VEZT: variants seen among roughly 807,000 people sequenced by gnomAD.
VEZT encodes the protein vezatin.
In VEZT, 39 loss-of-function variants were observed where a neutral mutation model predicts 79.9. The ratio of observed to expected loss-of-function variants is 0.49; its 90% CI spans 0.38 to 0.64. The LOEUF (loss-of-function observed/expected upper bound fraction) is 0.64. VEZT is among the 30% of genes least tolerant of loss of function. The probability of loss-of-function intolerance (pLI) is 0.00; values close to 1 mark genes in which losing one functional copy is unlikely to be tolerated. For synonymous variants in VEZT, 325 were observed against 327.6 expected (o/e 0.99, Z 0.09); for missense variants, 837 against 893.1 (o/e 0.94, Z 0.80).
intron 7 of VEZT, among the ~76,000 whole-genome samples, chr12:95,278,844 G>A (rs557980886): frequency 6.6e-6 from 1 of 152,338 alleles, no homozygotes; most frequent in South Asian, 2.1e-4. Context: ...CAAGGCGGGC[G>A]GATCAACTGA....
chr12:95,283,715 A>G (rs2069783093), intron 8 of VEZT, among the ~76,000 whole-genome samples: 1 of 152,228 alleles, frequency 6.6e-6, no homozygotes, highest in Admixed American at 6.5e-5. Flanking sequence ...TGGGCTTGAT[A>G]TAAGGCTTGA....
intron 1 of VEZT, among the ~76,000 whole-genome samples, chr12:95,221,426 A>G (rs1281599942): frequency 2.6e-5 from 4 of 152,084 alleles, no homozygotes. Context: ...CTAGCTGGGC[A>G]TGGTGGCATG....
intron 1 of VEZT, among the ~76,000 whole-genome samples, chr12:95,234,971 G>C (rs1187534280): frequency 6.6e-6 from 1 of 151,898 alleles, no homozygotes; most frequent in Non-Finnish European, 1.5e-5. Flanking sequence ...CACAGGGTTG[G>C]GGGTAAGGTC....
intron 4 of VEZT, among the ~76,000 whole-genome samples, chr12:95,266,065 GTTTCT>G (rs2065472570): frequency 6.6e-6 from 1 of 152,090 alleles, no homozygotes; most frequent in Admixed American, 6.5e-5. Flanking sequence ...GAGAATTTGA[GTTTCT>G]TTTGTGAAAT....
intron 7 of VEZT, among the ~76,000 whole-genome samples, chr12:95,277,614 A>G (rs962317276): frequency 1.2e-4 from 18 of 152,358 alleles, no homozygotes; most frequent in African/African-American, 2.4e-4. Context: ...AGTACAATTT[A>G]AGAGATTCTT....
intron 1 of VEZT, among the ~76,000 whole-genome samples, chr12:95,226,066 C>T (rs2136634815): frequency 6.6e-6 from 1 of 150,670 alleles, no homozygotes; most frequent in Middle Eastern, 3.4e-3. Flanking sequence ...CTGCACTCTG[C>T]CTTGGTGACA....
At chr12:95,255,535 G>A (rs1485138149) in intron 2 of VEZT, among the ~76,000 whole-genome samples, 2 of 152,150 alleles carry the variant, frequency 1.3e-5, no homozygotes, top group South Asian at 2.1e-4. Context: ...GGGTGCAAGC[G>A]ATTCTCCTGC....
At chr12:95,257,045 T>C in intron 2 of VEZT, 105 bp from the exon 3 acceptor site, 1 of 930,022 alleles carries the variant, frequency 1.1e-6, no homozygotes, top group East Asian at 2.7e-5. Context: ...TTTTTCTTCC[T>C]TTTCTGATAT....
At chr12:95,274,984 TCATTGTTTGCTG>T in intron 7 of VEZT, 95 bp downstream of exon 7, 1 of 1,438,974 alleles carries the variant, frequency 6.9e-7, no homozygotes, top group Non-Finnish European at 9.3e-7. Context: ...TTTGTTCCAC[TCATTGTTTGCTG>T]CATACCATCA....
At chr12:95,254,394 T>G (rs2063135261) in intron 2 of VEZT, among the ~76,000 whole-genome samples, 2 of 146,362 alleles carry the variant, frequency 1.4e-5, no homozygotes, top group South Asian at 4.4e-4. Context: ...TCGCCCAGGT[T>G]GGAGGGCAGT....
intron 7 of VEZT, among the ~76,000 whole-genome samples, chr12:95,278,167 G>C (rs1490118834): frequency 6.6e-6 from 1 of 152,138 alleles, no homozygotes; most frequent in Non-Finnish European, 1.5e-5. Context: ...TCAGTTCAGT[G>C]CCTGGTGTAG....
intron 5 of VEZT, among the ~76,000 whole-genome samples, chr12:95,267,136 C>T (rs78666950): frequency 0.067 from 10,189 of 152,174 alleles, 446 homozygotes; most frequent in Middle Eastern, 0.12. Context: ...TCCATTCTTA[C>T]AGGAAATTAA....
chr12:95,252,231 A>C, intron 2 of VEZT, 160 bp downstream of exon 2: 1 of 650,402 alleles, frequency 1.5e-6, no homozygotes, highest in African/African-American at 1.9e-5. Flanking sequence ...ATGAATCCTT[A>C]CTGCTTTGGA....
At chr12:95,279,949 C>A (rs927057642) in intron 7 of VEZT, among the ~76,000 whole-genome samples, 1 of 152,146 alleles carries the variant, frequency 6.6e-6, no homozygotes, top group Non-Finnish European at 1.5e-5. Flanking sequence ...CTTGACCCAA[C>A]ATGCTGGAAT....
At chr12:95,271,782 G>A (rs2066655509) in intron 6 of VEZT, among the ~76,000 whole-genome samples, 1 of 152,184 alleles carries the variant, frequency 6.6e-6, no homozygotes, top group South Asian at 2.1e-4. Flanking sequence ...GACTGTATGA[G>A]TTCTTTGTGC....
intron 5 of VEZT, among the ~76,000 whole-genome samples, chr12:95,267,718 TCTC>T (rs982324094): frequency 2.0e-5 from 3 of 152,208 alleles, no homozygotes; most frequent in Non-Finnish European, 4.4e-5. Flanking sequence ...TTCTCTTTCT[TCTC>T]AATCAAAGTA....
chr12:95,238,198 T>A (rs993113258), intron 1 of VEZT, among the ~76,000 whole-genome samples: 1 of 152,194 alleles, frequency 6.6e-6, no homozygotes, highest in African/African-American at 2.4e-5. Flanking sequence ...TCAGACTAAC[T>A]GGGTTTATAT....
At chr12:95,294,516 T>C (rs1214130453) in intron 10 of VEZT, 144 bp downstream of exon 10, 1 of 681,168 alleles carries the variant, frequency 1.5e-6, no homozygotes, top group Non-Finnish European at 2.4e-6. Flanking sequence ...CCTGCAGACT[T>C]TTTTTTGATT....
intron 1 of VEZT, among the ~76,000 whole-genome samples, chr12:95,234,021 C>A (rs1337572724): frequency 6.6e-6 from 1 of 152,068 alleles, no homozygotes; most frequent in Non-Finnish European, 1.5e-5. Context: ...TCCAACGTTG[C>A]CAAAACTGAG....
Sources: allele counts gnomAD v4.1 joint callset (sites outside exome capture counted in the v4.1 genomes callset), GRCh38; gene constraint gnomAD v4.1.1; transcripts MANE v1.5; gene names NCBI Gene and HGNC (gene_info 2026-07-23, HGNC 2026-07-21).